The following FAM186B variants were observed in gnomAD, a reference collection of about 807,000 sequenced individuals.
FAM186B encodes the protein protein FAM186B.
FAM186B carries 68 observed loss-of-function variants against 83.4 expected under a neutral mutation model. The observed-to-expected ratio is 0.81, with a 90% CI of 0.67 to 1.00. The LOEUF is 1.00. Among genes scored for constraint, FAM186B ranks in the 50% least tolerant of loss-of-function variants. FAM186B has a pLI of 0.00. For missense variants in FAM186B, 983 were observed against 1,099.2 expected (o/e 0.89, Z 1.49); for synonymous variants, 389 against 422.0 (o/e 0.92, Z 0.96).
downstream of FAM186B, among the ~76,000 whole-genome samples, chr12:49,587,015 C>T (rs2138235024): frequency 6.6e-6 from 1 of 152,282 alleles, no homozygotes; most frequent in East Asian, 1.9e-4. Flanking sequence ...GATGGGATTG[C>T]TCATGTAGAG....
At chr12:49,613,268 C>T in the FAM186B span, among the ~76,000 whole-genome samples, 1 of 151,918 alleles carries the variant, frequency 6.6e-6, no homozygotes, top group East Asian at 1.9e-4. Flanking sequence ...TGGTTCACGC[C>T]TGTAATCCCA....
At position 49,587,543 on chromosome 12, in the gene FAM186B, T is replaced by C. The variant is rs959115303; in HGVS notation, c.*62A>G. 3.1e-6 allele frequency: 5 copies of C among 1,599,060 alleles called. No homozygotes were observed. Among genetic ancestry groups the C allele is most frequent in the African/African-American group, 2.7e-5 (2 of 74,618 alleles). On this transcript the variant is annotated 3_prime_UTR_variant, in exon 7 of 7. Transcript: ENST00000257894. Reference sequence around the variant, plus strand: ...AGAGATTTATTGGGGAGAATCCACATTGACCATCAGCCTCGCACCTTACTG... The same window carrying C: ...AGAGATTTATTGGGGAGAATCCACACTGACCATCAGCCTCGCACCTTACTG...
rs754562731 is a variant in FAM186B at position 49,587,558 on chromosome 12, G to C, written c.*47C>G. The C allele has an allele frequency of 1.2e-6, 2 of 1,611,258 alleles. No individual in the cohort carries two copies. The highest frequency in any genetic ancestry group is 1.7e-6 in the Non-Finnish European group (2 of 1,177,558). Reference sequence around the variant, plus strand: ...AGAATCCACATTGACCATCAGCCTCGCACCTTACTGGGCCTTCAGGAAGTT... The same window carrying C: ...AGAATCCACATTGACCATCAGCCTCCCACCTTACTGGGCCTTCAGGAAGTT... On this transcript the variant is annotated 3_prime_UTR_variant, in exon 7 of 7. Coordinates refer to ENST00000257894, the MANE Select transcript of FAM186B (RefSeq NM_032130.3).
rs573952537 is a variant in FAM186B, at chr12:49,600,771, C to G, written c.869G>C (p.Arg290Thr). Reference protein sequence around the residue: ...QQFMEVLESRRDALLKQVEIL... With the variant: ...QQFMEVLESRTDALLKQVEIL... Reference sequence around the variant, plus strand: ...CTCTACCTGCTTCAGCAGAGCATCCCTCCTGCTCTCAAGGACCTCCATGAA... The same window carrying G: ...CTCTACCTGCTTCAGCAGAGCATCCGTCCTGCTCTCAAGGACCTCCATGAA... Residue 290 changes from arginine to threonine, a missense_variant, in exon 4 of 7, where the codon AGG (arginine) becomes ACG (threonine). Physicochemically the swap from Arg to Thr is moderately conservative, Grantham distance 71. Transcript: ENST00000257894. This position sits in a 1 kb window ranked among gnomAD's most constrained non-coding sequence, Gnocchi z 4.3. 3.1e-6 allele frequency: 5 copies of G among 1,613,520 alleles called. No individual in the cohort carries two copies. The African/African-American group carries it at 4.0e-5, about 13-fold the overall frequency.
At chr12:49,595,682 T>G in intron 5 of FAM186B, 1 of 394,638 alleles carries the variant, frequency 2.5e-6, no homozygotes, top group South Asian at 2.0e-5. Context: ...CACTAGTTCT[T>G]AAAGACTAGA....
At chr12:49,614,390 GAC>G in the FAM186B span, among the ~76,000 whole-genome samples, 1 of 152,062 alleles carries the variant, frequency 6.6e-6, no homozygotes, top group Non-Finnish European at 1.5e-5. Context: ...TGGAATACTA[GAC>G]AGCCATAAAA....
At chr12:49,621,256 G>A in the FAM186B span, among the ~76,000 whole-genome samples, 4 of 152,190 alleles carry the variant, frequency 2.6e-5, no homozygotes. Flanking sequence ...GGTGGCGCAT[G>A]CCTGGAGTCC....
At chr12:49,584,737 T>C, downstream of FAM186B, 1 of 656,666 alleles carries the variant, frequency 1.5e-6, no homozygotes, top group South Asian at 1.7e-5. Flanking sequence ...AGACTCAGCC[T>C]GGACACAGAA....
At chr12:49,603,441 G>C in intron 2 of FAM186B, 74 bp from the exon 3 acceptor site, 1 of 1,475,060 alleles carries the variant, frequency 6.8e-7, no homozygotes, top group Non-Finnish European at 9.3e-7. Context: ...CTATAGCACA[G>C]GGGTTCCAGC....
chr12:49,600,748 C>A lies in FAM186B; in HGVS notation c.892G>T (p.Glu298Ter), dbSNP rs1395078058. 6.2e-7 allele frequency: 1 copy of A among 1,614,120 alleles called. No homozygotes were observed. The change falls in exon 4 of 7, where the codon GAG becomes TAG. Residue 298 changes from glutamate to a stop codon, truncating the protein, a stop_gained. Coordinates refer to ENST00000257894, the MANE Select transcript of FAM186B (RefSeq NM_032130.3). LOFTEE classifies it high-confidence loss of function. This position sits in a 1 kb window ranked among gnomAD's most constrained non-coding sequence, Gnocchi z 4.3. The stretch of plus-strand genomic sequence containing the variant: ...TCATGGTACCTTCCCCCTAAGATCT[C>A]TACCTGCTTCAGCAGAGCATCCCTC... ...SRRDALLKQV[E>*]ILGGRYHDLL...
chr12:49,587,728 A>G lies in FAM186B; in HGVS notation c.2559T>C (p.Ala853=). 1.2e-6 allele frequency: 2 copies of G among 1,613,862 alleles called. No homozygotes were observed. Among genetic ancestry groups the G allele is most frequent in the Non-Finnish European group, 1.7e-6 (2 of 1,179,922 alleles). ...AGGAGGCCACCTCGGTCTTCCAGAC[A>G]GCCTCCATCTGCTTCCCCTGTTGGC... ...MARQQGKQME[A]VWKTEVASSS... is the part of the protein sequence containing the mutation. The change falls in exon 7 of 7, where the codon GCT becomes GCC. Residue 853 remains alanine (A), a synonymous_variant. Coordinates refer to ENST00000257894, the MANE Select transcript of FAM186B (RefSeq NM_032130.3).
rs201727387 is a variant in FAM186B at position 49,599,470 on chromosome 12, G to A, written c.2170C>T (p.Arg724Trp). 5.9e-6 allele frequency: 9 copies of A among 1,525,174 alleles called. No individual in the cohort carries two copies. The highest frequency in any genetic ancestry group is 2.3e-5 in the East Asian group (1 of 44,006). 94.5% of individuals were successfully genotyped at this position (1,525,174 alleles called of 1,614,324 possible). Residue 724 changes from arginine (R) to tryptophan (W), a missense_variant and splice_region_variant, in exon 4 of 7, where the codon CGG becomes TGG. Transcript: ENST00000257894. Reference protein sequence around the residue: ...YIFYRRLQSLRQEAINHVQIM... With the variant: ...YIFYRRLQSLWQEAINHVQIM... ...AGGTGGGTTCCAGGGAGGACCTACCGGAGGCTCTGGAGGCGTCTATAGAAG... is the reference window on the plus strand; with the variant it reads ...AGGTGGGTTCCAGGGAGGACCTACCAGAGGCTCTGGAGGCGTCTATAGAAG...
chr12:49,621,019 A>G, the FAM186B span, among the ~76,000 whole-genome samples: 3 of 152,346 alleles, frequency 2.0e-5, no homozygotes, highest in East Asian at 5.8e-4. Flanking sequence ...TGTTATAAAA[A>G]TAAGTGACCA....
chr12:49,613,577 T>C, the FAM186B span, among the ~76,000 whole-genome samples: 1 of 142,388 alleles, frequency 7.0e-6, no homozygotes, highest in African/African-American at 2.6e-5. Context: ...CAGTGACTCA[T>C]GCCTGTAATC....
Position 49,599,879 on chromosome 12 carries a change from G to T in FAM186B, c.1761C>A (p.His587Gln). 6.2e-7 allele frequency: 1 copy of T among 1,609,662 alleles called. No homozygotes were observed. Among genetic ancestry groups the T allele is most frequent in the Non-Finnish European group, 8.5e-7 (1 of 1,177,592 alleles). ...VPAPSRTQSA[H>Q]QSRRPHLPMS... ...TGGGCAAGTGTGGCCTCCTGCTTTG[G>T]TGAGCAGATTGGGTCCGGCTTGGGG... Residue 587 changes from histidine (H) to glutamine (Q), a missense_variant, in exon 4 of 7, where the codon CAC becomes CAA. By Grantham distance (24) the His-to-Gln change is conservative. Transcript: ENST00000257894.
chr12:49,593,089 A>T (rs1464741488), intron 5 of FAM186B: 1 of 152,240 alleles, frequency 6.6e-6, no homozygotes, highest in East Asian at 1.9e-4. Context: ...AACCCAATTT[A>T]AATATAGAGA....
chr12:49,613,189 A>C, the FAM186B span, among the ~76,000 whole-genome samples: 1 of 152,344 alleles, frequency 6.6e-6, no homozygotes, highest in East Asian at 1.9e-4. Flanking sequence ...AATAAATGAA[A>C]ACATTCCAAG....
chr12:49,584,505 C>A, downstream of FAM186B: 1 of 702,332 alleles, frequency 1.4e-6, no homozygotes, highest in Non-Finnish European at 2.6e-6. Flanking sequence ...CTGTCTTGAT[C>A]CTTCTGGCTT....
intron 5 of FAM186B, among the ~76,000 whole-genome samples, chr12:49,596,982 A>G (rs1177073414): frequency 6.6e-6 from 1 of 152,248 alleles, no homozygotes; most frequent in African/African-American, 2.4e-5. Flanking sequence ...GTGGTCTCAT[A>G]AGATTATAAT....
Sources: gnomAD v4.1 joint callset for allele counts (sites outside exome capture counted in the v4.1 genomes callset) on GRCh38, gnomAD v4.1.1 for gene constraint, Gnocchi (gnomAD v3.1) non-coding constraint, MANE v1.5 for transcripts, NCBI Gene and HGNC (gene_info 2026-07-23, HGNC 2026-07-21) for gene names.